The following DGKI variants were observed in gnomAD, a reference collection of about 807,000 sequenced individuals.
The protein encoded by DGKI is DAG kinase iota.
Under a neutral mutation model 147.5 loss-of-function variants are expected in DGKI, and 55 were observed. The observed-to-expected ratio is 0.37, with a 90% CI of 0.30 to 0.47. The LOEUF is 0.47. Among genes scored for constraint, DGKI ranks in the 20% least tolerant of loss-of-function variants. The pLI, the probability that DGKI is intolerant of heterozygous loss-of-function variation, is 1.00. For synonymous variants in DGKI, 469 were observed against 477.1 expected (o/e 0.98, Z 0.22); for missense variants, 1,007 against 1,323.8 (o/e 0.76, Z 3.71).
chr7:137,577,139 A>G, intron 17 of DGKI, 83 bp downstream of exon 17: 6 of 946,234 alleles, frequency 6.3e-6, no homozygotes, highest in Non-Finnish European at 1.0e-5. Flanking sequence ...CCAGTGATTC[A>G]ATATATAAAC....
intron 20 of DGKI, among the ~76,000 whole-genome samples, chr7:137,523,468 G>C (rs993056557): frequency 6.6e-6 from 1 of 151,914 alleles, no homozygotes; most frequent in Non-Finnish European, 1.5e-5. Flanking sequence ...CACACAGACA[G>C]AGAGAGAGAT....
intron 8 of DGKI, among the ~76,000 whole-genome samples, chr7:137,615,531 ATGTGTGTG>A (rs5887846): frequency 1.5e-4 from 21 of 135,868 alleles, no homozygotes; most frequent in African/African-American, 4.2e-4. Context: ...ATATGTATGT[ATGTGTGTG>A]TGTGTGTGTG....
At chr7:137,400,768 T>G (rs781158259) in intron 30 of DGKI, among the ~76,000 whole-genome samples, 1 of 152,084 alleles carries the variant, frequency 6.6e-6, no homozygotes, top group Non-Finnish European at 1.5e-5. Flanking sequence ...AAAATGCCCA[T>G]TAAAAGGTTT....
chr7:137,629,085 G>A (rs1011694824), intron 6 of DGKI, among the ~76,000 whole-genome samples: 23 of 151,838 alleles, frequency 1.5e-4, no homozygotes, highest in Non-Finnish European at 1.3e-4. Context: ...ATCCACTAGC[G>A]TGTCCAAGGC....
intron 6 of DGKI, among the ~76,000 whole-genome samples, chr7:137,630,329 G>A (rs1369992903): frequency 1.3e-5 from 2 of 151,860 alleles, no homozygotes. Flanking sequence ...AATATTGTTG[G>A]TAATCACAAT....
rs749809910 is a variant in DGKI, at chr7:137,384,689, C to T, written c.*6531G>A. The stretch of plus-strand genomic sequence containing the variant: ...GCTCAAACATGTCAATACATCATAA[C>T]GCTAAAGCACTTTTTAATTCTTGAA... On this transcript the variant is annotated 3_prime_UTR_variant, in exon 33 of 33. Transcript: ENST00000614521. The T allele has an allele frequency of 7.9e-5, 12 of 152,018 alleles. No individual in the cohort carries two copies. The highest frequency in any genetic ancestry group is 5.8e-4 in the East Asian group (3 of 5,196). The allele number at this position is 152,018 out of a possible 1,614,324, so 9.4% of individuals were successfully genotyped here.
At chr7:137,570,535 C>CA (rs1818756493) in intron 19 of DGKI, among the ~76,000 whole-genome samples, 1 of 151,440 alleles carries the variant, frequency 6.6e-6, no homozygotes, top group Admixed American at 6.6e-5. Context: ...CTCAGTGAAC[C>CA]AAAAAAGTAT....
intron 27 of DGKI, among the ~76,000 whole-genome samples, chr7:137,457,216 C>G (rs1814238922): frequency 6.6e-6 from 1 of 152,160 alleles, no homozygotes; most frequent in Non-Finnish European, 1.5e-5. Context: ...CTCAGTGAAA[C>G]AGATGCCAGG....
intron 28 of DGKI, among the ~76,000 whole-genome samples, chr7:137,414,772 T>C (rs1770449820): frequency 6.6e-6 from 1 of 152,176 alleles, no homozygotes; most frequent in South Asian, 2.1e-4. Context: ...GTCAGGTTTG[T>C]AATGTGAACA....
intron 2 of DGKI, among the ~76,000 whole-genome samples, chr7:137,688,397 T>C (rs1823495299): frequency 6.6e-6 from 1 of 152,218 alleles, no homozygotes; most frequent in Non-Finnish European, 1.5e-5. Flanking sequence ...ATTGTCACAT[T>C]CGATCCTAAC....
chr7:137,789,358 C>G (rs1300958189), intron 1 of DGKI, among the ~76,000 whole-genome samples: 1 of 152,214 alleles, frequency 6.6e-6, no homozygotes, highest in South Asian at 2.1e-4. Context: ...CCATGCTACC[C>G]TCCCACTGAA....
At chr7:137,546,804 A>G (rs1563078637) in intron 20 of DGKI, among the ~76,000 whole-genome samples, 2 of 152,246 alleles carry the variant, frequency 1.3e-5, no homozygotes, top group Non-Finnish European at 2.9e-5. Flanking sequence ...TGCAGCATAC[A>G]TAACTTCTCA....
chr7:137,439,917 C>T (rs1297914769), intron 28 of DGKI, among the ~76,000 whole-genome samples: 1 of 152,192 alleles, frequency 6.6e-6, no homozygotes, highest in Non-Finnish European at 1.5e-5. Flanking sequence ...CTTTGAGAAG[C>T]CACTAATGCC....
intron 17 of DGKI, among the ~76,000 whole-genome samples, chr7:137,575,856 G>C (rs1258243951): frequency 7.0e-6 from 1 of 143,388 alleles, no homozygotes; most frequent in African/African-American, 2.7e-5. Context: ...TTTGTCTCTT[G>C]TTTCAACTGA....
chr7:137,516,813 G>A (rs943934777), intron 21 of DGKI, among the ~76,000 whole-genome samples: 2 of 152,004 alleles, frequency 1.3e-5, no homozygotes, highest in Non-Finnish European at 2.9e-5. Context: ...AACAAATTCA[G>A]TTGAGCTCAA....
intron 1 of DGKI, among the ~76,000 whole-genome samples, chr7:137,752,025 A>G (rs1248529380): frequency 2.0e-5 from 3 of 152,232 alleles, no homozygotes; most frequent in Non-Finnish European, 1.5e-5. Flanking sequence ...ACCCAAATAC[A>G]TAACTACATA....
At chr7:137,664,377 CAAAAAAA>C (rs1190186766) in intron 3 of DGKI, among the ~76,000 whole-genome samples, 6,090 of 55,850 alleles carry the variant, frequency 0.11, 326 homozygotes, top group African/African-American at 0.21. Flanking sequence ...GACTCCATCT[CAAAAAAA>C]AAAAAAAAAA....
chr7:137,636,151 A>G (rs562917997), intron 6 of DGKI, among the ~76,000 whole-genome samples: 1 of 152,178 alleles, frequency 6.6e-6, no homozygotes, highest in East Asian at 1.9e-4. Context: ...TTGTAATGCT[A>G]TGAACAATTT....
Position 137,846,161 on chromosome 7 carries a change from TCACACA to T in DGKI, c.401+295_401+300del, listed in dbSNP as rs58484819. ...CTCTCTCTCTCTCTCTCTCTCTCTC[TCACACA>T]CACACACACACACACACACACACAC... On this transcript the variant is annotated intron_variant, in intron 1 of 32. Transcript: ENST00000614521. The surrounding 1 kb of genome is among the most constrained non-coding windows in gnomAD (Gnocchi z 4.0). Among the ~76,000 whole-genome samples, 1,504 of 108,076 alleles carry T rather than the reference TCACACA, an allele frequency of 0.014. 10 individuals are homozygous for T. The highest frequency in any genetic ancestry group is 0.017 in the African/African-American group (445 of 25,960). The allele number at this position is 108,076 out of a possible 152,430, so 70.9% of individuals were successfully genotyped here. A position where few individuals can be genotyped will look rare whatever the true frequency, so the allele number is the denominator to read the frequency against.
Sources: allele counts gnomAD v4.1 joint callset (sites outside exome capture counted in the v4.1 genomes callset), GRCh38; gene constraint gnomAD v4.1.1; non-coding constraint Gnocchi (gnomAD v3.1); transcripts MANE v1.5; gene names NCBI Gene and HGNC (gene_info 2026-07-23, HGNC 2026-07-21).